Variants in GJB6 observed in about 807,000 individuals in gnomAD.
The protein encoded by GJB6 is gap junction protein beta 6, also known as gap junction beta-6 protein.
A neutral mutation model predicts 5.4 loss-of-function variants in GJB6; 5 were observed. The observed-to-expected ratio is 0.92, with a 90% CI of 0.48 to 1.93. GJB6 has a LOEUF of 1.93. Ranked by LOEUF, GJB6 falls within the 30% of genes most tolerant of loss-of-function variation. The pLI is 0.01. For synonymous variants in GJB6, 136 were observed against 129.6 expected, an observed-to-expected ratio of 1.05 and a Z score of -0.34; for missense variants, 298 against 326.9, an observed-to-expected ratio of 0.91 and a Z score of 0.68.
intron 4 of GJB6, among the ~76,000 whole-genome samples, chr13:20,228,726 CG>C (rs1308962616): frequency 6.6e-6 from 1 of 151,470 alleles, no homozygotes; most frequent in Non-Finnish European, 1.5e-5. Flanking sequence ...CCTCATGATC[CG>C]CCCCCCTTGG....
chr13:20,225,010 A>G lies in GJB6; in HGVS notation c.-15-1515T>C, dbSNP rs556980536. ...AAATGGAGGCAGCCTCTCCCCACCC[A>G]GGAGTGCCTTGGCCTCAGAGTGGGG... On this transcript the variant is annotated intron_variant, in intron 4 of 4. Transcript: ENST00000647029. 2.0e-5 allele frequency among the ~76,000 whole-genome samples: 3 copies of G among 152,310 alleles called. No homozygotes were observed. The East Asian group carries it at 5.8e-4, about 29-fold the overall frequency.
intron 4 of GJB6, among the ~76,000 whole-genome samples, chr13:20,225,908 T>A (rs1180810940): frequency 6.6e-6 from 1 of 152,192 alleles, no homozygotes; most frequent in Non-Finnish European, 1.5e-5. Context: ...TTCAGGAATA[T>A]CAGTATTCCT....
intron 4 of GJB6, among the ~76,000 whole-genome samples, chr13:20,224,963 C>A (rs964715613): frequency 6.6e-6 from 1 of 152,196 alleles, no homozygotes; most frequent in Non-Finnish European, 1.5e-5. Context: ...ATTACGCTGG[C>A]TGCTCTTGGA....
chr13:20,223,091 C>T lies in GJB6; in HGVS notation c.390G>A (p.Gly130=). The part of the protein sequence containing the change: ...DIKKQKVRIE[G]SLWWTYTSSI... ...TGCTGGTGTACGTCCACCACAGCGA[C>T]CCCTCTATCCGAACCTTCTGCTTTT... The change falls in exon 5 of 5, where the codon GGG becomes GGA. Residue 130 remains glycine (G), a synonymous_variant. Coordinates refer to ENST00000647029, the MANE Select transcript of GJB6 (RefSeq NM_001110219.3). 6.2e-7 allele frequency: 1 copy of T among 1,613,954 alleles called. No homozygotes were observed. The highest frequency in any genetic ancestry group is 8.5e-7 in the Non-Finnish European group (1 of 1,179,824).
At chr13:20,227,776 A>G (rs759574658) in intron 4 of GJB6, among the ~76,000 whole-genome samples, 2 of 152,178 alleles carry the variant, frequency 1.3e-5, no homozygotes, top group East Asian at 1.9e-4. Flanking sequence ...CAAGCCCCCA[A>G]ATTTCCAGCA....
chr13:20,229,672 C>G lies in GJB6; in HGVS notation c.-108G>C, dbSNP rs1566543057. On this transcript the variant is annotated 5_prime_UTR_variant, in exon 4 of 5. Transcript: ENST00000647029. ...GGGTTTCAGACCTCCTTCTCCTACC[C>G]CACTGGAGTGCCTAGAAGCCAATGG... 6.6e-6 allele frequency: 1 copy of G among 152,082 alleles called. No individual in the cohort carries two copies. The highest frequency in any genetic ancestry group is 2.4e-5 in the African/African-American group (1 of 41,384). The allele number at this position is 152,082 out of a possible 1,614,324, so 9.4% of individuals were successfully genotyped here. A position where few individuals can be genotyped will look rare whatever the true frequency, so the allele number is the denominator to read the frequency against.
At chr13:20,224,689 T>C (rs1869454694) in intron 4 of GJB6, among the ~76,000 whole-genome samples, 1 of 152,222 alleles carries the variant, frequency 6.6e-6, no homozygotes, top group South Asian at 2.1e-4. Context: ...GACTATAGAA[T>C]TGGTCAGCAT....
At chr13:20,228,617 T>C (rs1001512871) in intron 4 of GJB6, among the ~76,000 whole-genome samples, 5 of 149,626 alleles carry the variant, frequency 3.3e-5, no homozygotes, top group Admixed American at 6.7e-5. Flanking sequence ...TCTGAGCAGC[T>C]GGGACTACAG....
intron 4 of GJB6, 72 bp from the exon 5 acceptor site, chr13:20,223,567 G>T: frequency 1.7e-6 from 2 of 1,159,034 alleles, no homozygotes; most frequent in Non-Finnish European, 2.6e-6. Flanking sequence ...TGATATTACA[G>T]ACTGAAGCCA....
At position 20,222,704 on chromosome 13, in the gene GJB6, G is replaced by A. The variant is rs1196582084; in HGVS notation, c.777C>T (p.Phe259=). The A allele has an allele frequency of 4.3e-6, 7 of 1,613,998 alleles. No homozygotes were observed. The highest frequency in any genetic ancestry group is 1.6e-4 in the Middle Eastern group (1 of 6,062). Residue 259 remains phenylalanine (F), a synonymous_variant, in exon 5 of 5, where the codon TTC becomes TTT. Transcript: ENST00000647029. ...TTTTACCTTGAAATGTTTAGCTTGG[G>A]AAACCTGTGATTGCATTTTGACCAC... ...SDSGQNAITG[F]PS
intron 4 of GJB6, 53 bp from the exon 5 acceptor site, chr13:20,223,548 G>A: frequency 1.4e-6 from 2 of 1,380,622 alleles, no homozygotes; most frequent in Non-Finnish European, 2.1e-6. Flanking sequence ...CCTTGGGAAA[G>A]TGACACGGTG....
rs749915780 is a variant in GJB6 at position 20,223,423 on chromosome 13, T to G, written c.58A>C (p.Ile20Leu). Reference sequence around the variant, plus strand: ...ATGACTGTGATCCACACCTTCCCGATGCTGGTGGAGTGTTTGTTGACACCC... The same window carrying G: ...ATGACTGTGATCCACACCTTCCCGAGGCTGGTGGAGTGTTTGTTGACACCC... ...IGGVNKHSTS[I>L]GKVWITVIFI... The change falls in exon 5 of 5, where the codon ATC (isoleucine) becomes CTC (leucine). Residue 20 changes from isoleucine (I) to leucine (L), a missense_variant. By Grantham distance (5) the Ile-to-Leu change is conservative. Transcript: ENST00000647029. 6.2e-7 allele frequency: 1 copy of G among 1,613,926 alleles called. No individual in the cohort carries two copies. Among genetic ancestry groups the G allele is most frequent in the African/African-American group, 1.3e-5 (1 of 74,916 alleles).
intron 4 of GJB6, among the ~76,000 whole-genome samples, chr13:20,227,719 G>A (rs774296432): frequency 6.6e-6 from 1 of 152,206 alleles, no homozygotes; most frequent in Non-Finnish European, 1.5e-5. Context: ...AGCTCCCCTC[G>A]CAAGTGTCAA....
At chr13:20,227,520 C>G (rs955369718) in intron 4 of GJB6, among the ~76,000 whole-genome samples, 15 of 152,196 alleles carry the variant, frequency 9.9e-5, no homozygotes, top group African/African-American at 3.4e-4. Flanking sequence ...CTCTCCGAAC[C>G]TGCCCGGTCC....
At position 20,230,791 on chromosome 13, in the gene GJB6, T is replaced by G. The variant is rs886136091; in HGVS notation, c.-279A>C. 1 of 152,278 alleles carries G rather than the reference T, an allele frequency of 6.6e-6. No individual in the cohort carries two copies. The highest frequency in any genetic ancestry group is 1.5e-5 in the Non-Finnish European group (1 of 68,052). The allele number at this position is 152,278 out of a possible 1,614,324, so 9.4% of individuals were successfully genotyped here. Reference sequence around the variant, plus strand: ...ACAGAAATTGTTTAGCCAGATCTTCTGTACTTCTTTTCCTTCCTAACACTC... The same window carrying G: ...ACAGAAATTGTTTAGCCAGATCTTCGGTACTTCTTTTCCTTCCTAACACTC... On this transcript the variant is annotated 5_prime_UTR_variant, in exon 3 of 5. Transcript: ENST00000647029.
chr13:20,229,486 G>A (rs1402070384), intron 4 of GJB6, 94 bp downstream of exon 4: 1 of 151,994 alleles, frequency 6.6e-6, no homozygotes, highest in Non-Finnish European at 1.5e-5. Flanking sequence ...TCTGAGAACA[G>A]GAACATGTGC....
rs1869221608 is a variant in GJB6, at chr13:20,222,255, T to A, written c.*440A>T. On this transcript the variant is annotated 3_prime_UTR_variant, in exon 5 of 5. Transcript: ENST00000647029. ...GTAATTCTAAAACTAACATCGCATG[T>A]TTTTCCAGGTAAGGAAGACCAGTCA... The A allele has an allele frequency of 5.9e-6, 1 of 169,852 alleles. No individual in the cohort carries two copies. Among genetic ancestry groups the A allele is most frequent in the African/African-American group, 2.4e-5 (1 of 41,574 alleles). The allele number at this position is 169,852 out of a possible 1,614,324, so 10.5% of individuals were successfully genotyped here. A position where few individuals can be genotyped will look rare whatever the true frequency, so the allele number is the denominator to read the frequency against.
At position 20,222,481 on chromosome 13, in the gene GJB6, C is replaced by G; in HGVS notation, c.*214G>C. The G allele has an allele frequency of 3.4e-6, 2 of 580,282 alleles. No individual in the cohort carries two copies. Among genetic ancestry groups the G allele is most frequent in the Non-Finnish European group, 6.1e-6 (2 of 326,994 alleles). 35.9% of individuals were successfully genotyped at this position (580,282 alleles called of 1,614,324 possible). A position where few individuals can be genotyped will look rare whatever the true frequency, so the allele number is the denominator to read the frequency against. On this transcript the variant is annotated 3_prime_UTR_variant, in exon 5 of 5. Coordinates refer to ENST00000647029, the MANE Select transcript of GJB6 (RefSeq NM_001110219.3). ...CAAAGTGACTGCAATGCTCCTTTGT[C>G]AAGCAGTCTCTTGTTTTCAGAGATG...
intron 4 of GJB6, among the ~76,000 whole-genome samples, chr13:20,226,610 G>A (rs998540462): frequency 6.6e-6 from 1 of 152,160 alleles, no homozygotes; most frequent in Non-Finnish European, 1.5e-5. Flanking sequence ...TTTCCTAACT[G>A]TTGATGTTCT....
Sources: gnomAD v4.1 joint callset for allele counts (sites outside exome capture counted in the v4.1 genomes callset) on GRCh38, gnomAD v4.1.1 for gene constraint, MANE v1.5 for transcripts, NCBI Gene and HGNC (gene_info 2026-07-23, HGNC 2026-07-21) for gene names.